The following PRR14L variants were observed in gnomAD, a reference collection of about 807,000 sequenced individuals.
The protein encoded by PRR14L is proline rich 14 like, also known as protein PRR14L.
Under a neutral mutation model 155.0 loss-of-function variants are expected in PRR14L, and 80 were observed. The ratio of observed to expected loss-of-function variants is 0.52; its 90% confidence interval spans 0.43 to 0.62. The LOEUF is 0.62. PRR14L is among the 20% of genes least tolerant of loss of function. The probability of loss-of-function intolerance (pLI) is 0.00; values close to 1 mark genes in which losing one functional copy is unlikely to be tolerated. For synonymous variants in PRR14L, 883 were observed against 916.0 expected (o/e 0.96, Z 0.65); for missense variants, 2,469 against 2,548.0 (o/e 0.97, Z 0.67).
rs2074627773 is a variant in PRR14L at position 31,712,308 on chromosome 22, T to C, written c.5531A>G (p.His1844Arg). ...GAAGAGCCTCTGCATGGTAGGCATG[T>C]GGCTGGAGAAGCTCCGTTTTTTTGT... is the stretch of plus-strand genomic sequence containing the variant. Reference protein sequence around the residue: ...IWTKKRSFSSHMPTMQRLFMT... With the variant: ...IWTKKRSFSSRMPTMQRLFMT... The change falls in exon 4 of 9, where the codon CAC becomes CGC. Residue 1844 changes from histidine to arginine, a missense_variant. His to Arg is a conservative substitution (Grantham distance 29). This residue lies in a region of PRR14L where 2,363 missense variants were observed against 2,371.6 expected (regional missense o/e 1.00). Coordinates refer to ENST00000327423, the MANE Select transcript of PRR14L (RefSeq NM_173566.3). 1 of 1,614,082 alleles carries C rather than the reference T, an allele frequency of 6.2e-7. No individual in the cohort carries two copies. The highest frequency in any genetic ancestry group is 8.5e-7 in the Non-Finnish European group (1 of 1,180,026).
rs1413267196 is a variant in PRR14L, at chr22:31,738,848, C to G, written c.13G>C (p.Gly5Arg). 3 of 1,539,546 alleles carry G rather than the reference C, an allele frequency of 1.9e-6. No individual in the cohort carries two copies. The highest frequency in any genetic ancestry group is 2.6e-6 in the Non-Finnish European group (3 of 1,145,210). The change falls in exon 2 of 9, where the codon GGA becomes CGA. Residue 5 changes from glycine (G) to arginine (R), a missense_variant. Around this residue, in one of 2 missense-constraint regions of PRR14L, gnomAD observed 2,363 missense variants for 2,371.6 expected, o/e 1.00. Coordinates refer to ENST00000327423, the MANE Select transcript of PRR14L (RefSeq NM_173566.3). Reference protein sequence around the residue: MLSSGVETQPVPLDS... With the variant: MLSSRVETQPVPLDS... ...AGTGGAACTGGCTGAGTCTCTACTCCAGATGACAGCATTAGGACAGATGCA... is the reference window on the plus strand; with the variant it reads ...AGTGGAACTGGCTGAGTCTCTACTCGAGATGACAGCATTAGGACAGATGCA...
intron 4 of PRR14L, among the ~76,000 whole-genome samples, chr22:31,707,817 T>C (rs898087978): frequency 6.6e-6 from 1 of 152,210 alleles, no homozygotes; most frequent in African/African-American, 2.4e-5. Context: ...CACTCTAACG[T>C]ATTTTCATGG....
intron 2 of PRR14L, 147 bp from the exon 3 acceptor site, chr22:31,725,757 C>A: frequency 1.7e-6 from 1 of 581,432 alleles, no homozygotes; most frequent in Non-Finnish European, 3.0e-6. Context: ...CAACATCCAC[C>A]TCCAAGGTTC....
chr22:31,716,980 T>C lies in PRR14L; in HGVS notation c.859A>G (p.Ser287Gly). Reference protein sequence around the residue: ...SCPWLSLPGNSAISNVDNGKE... With the variant: ...SCPWLSLPGNGAISNVDNGKE... ...CCATTGTCCACATTAGAAATGGCAC[T>C]GTTTCCTGGTAATGACAACCAAGGA... Residue 287 changes from serine (S) to glycine (G), a missense_variant, in exon 4 of 9, where the codon AGT becomes GGT. Coordinates refer to ENST00000327423, the MANE Select transcript of PRR14L (RefSeq NM_173566.3). 6.4e-7 allele frequency: 1 copy of C among 1,551,854 alleles called. No homozygotes were observed. Among genetic ancestry groups the C allele is most frequent in the South Asian group, 1.2e-5 (1 of 84,066 alleles).
At chr22:31,725,500 T>G (rs2074711459) in intron 3 of PRR14L, 38 bp downstream of exon 3, 2 of 1,339,838 alleles carry the variant, frequency 1.5e-6, no homozygotes, top group Non-Finnish European at 2.1e-6. Flanking sequence ...GTATTTGCAG[T>G]AAGTGGATAA....
At chr22:31,724,162 A>G (rs1222495309) in intron 3 of PRR14L, among the ~76,000 whole-genome samples, 1 of 152,198 alleles carries the variant, frequency 6.6e-6, no homozygotes, top group African/African-American at 2.4e-5. Flanking sequence ...GGGACCACCT[A>G]GTTGCAGGAA....
chr22:31,704,686 C>G lies in PRR14L; in HGVS notation c.5797G>C (p.Ala1933Pro). Residue 1933 changes from alanine (A) to proline (P), a missense_variant, in exon 5 of 9, where the codon GCT becomes CCT. Around this residue, in one of 2 missense-constraint regions of PRR14L, gnomAD observed 2,363 missense variants for 2,371.6 expected, o/e 1.00. Coordinates refer to ENST00000327423, the MANE Select transcript of PRR14L (RefSeq NM_173566.3). ...TGACTGCCGCTGGTGTTATATGTAG[C>G]TTCCATGCCTGGAAGAGGCACATAT... ...LPYVPLPGME[A>P]TYNTSGSQTR... 6.2e-7 allele frequency: 1 copy of G among 1,613,984 alleles called. No individual in the cohort carries two copies. Among genetic ancestry groups the G allele is most frequent in the Non-Finnish European group, 8.5e-7 (1 of 1,179,944 alleles).
chr22:31,695,037 C>T (rs1339559800), intron 7 of PRR14L, among the ~76,000 whole-genome samples: 41 of 152,090 alleles, frequency 2.7e-4, no homozygotes, highest in African/African-American at 2.4e-5. Context: ...GAACCCAGAT[C>T]GCGGCACTGC....
chr22:31,703,869 C>G (rs1212034931), intron 5 of PRR14L, 148 bp from the exon 6 acceptor site: 6 of 508,150 alleles, frequency 1.2e-5, no homozygotes, highest in Non-Finnish European at 2.0e-5. Flanking sequence ...ACGATCTCGG[C>G]TCAATGCAGC....
At chr22:31,704,619 ACACGCG>A in intron 5 of PRR14L, 30 bp downstream of exon 5, 1 of 1,566,022 alleles carries the variant, frequency 6.4e-7, no homozygotes, top group Non-Finnish European at 8.8e-7. Context: ...ACACACACGC[ACACGCG>A]CACACACACG....
chr22:31,694,259 C>T (rs893695988), intron 7 of PRR14L, among the ~76,000 whole-genome samples: 23 of 151,566 alleles, frequency 1.5e-4, no homozygotes, highest in African/African-American at 5.3e-4. Context: ...CCGGGAAAGG[C>T]GTGAGCCACT....
At chr22:31,741,252 CA>C (rs139593821) in intron 1 of PRR14L, among the ~76,000 whole-genome samples, 415 of 25,688 alleles carry the variant, frequency 0.016, no homozygotes, top group African/African-American at 0.049. Flanking sequence ...GGCTCTGTCT[CA>C]AAAAAAAAAA....
chr22:31,734,059 G>A (rs2074765738), intron 2 of PRR14L, among the ~76,000 whole-genome samples: 1 of 151,986 alleles, frequency 6.6e-6, no homozygotes, highest in East Asian at 1.9e-4. Context: ...TACAACCTCT[G>A]CCTCCCAGTT....
intron 3 of PRR14L, among the ~76,000 whole-genome samples, chr22:31,720,171 T>C (rs2147867329): frequency 6.6e-6 from 1 of 152,344 alleles, no homozygotes; most frequent in African/African-American, 2.4e-5. Context: ...GCCTGCTATA[T>C]AAAAGGTGCC....
chr22:31,704,814 G>T, intron 4 of PRR14L, 88 bp from the exon 5 acceptor site: 1 of 934,912 alleles, frequency 1.1e-6, no homozygotes, highest in Non-Finnish European at 1.7e-6. Flanking sequence ...ATTAGCACAT[G>T]ATAGCCCCAA....
rs766201217 is a variant in PRR14L at position 31,685,734 on chromosome 22, C to T, written c.6249G>A (p.Lys2083=). ...CCTGAAATTCTAGAACTCGCTTCCT[C>T]TTCTGTTGGCTGATTGAGATTAGTG... The part of the protein sequence containing the change: ...NGTLISISQQ[K]RKRVLEFQDF... Residue 2083 remains lysine (K), a synonymous_variant, in exon 9 of 9, where the codon AAG becomes AAA. Transcript: ENST00000327423. The T allele has an allele frequency of 5.8e-6, 9 of 1,551,570 alleles. No homozygotes were observed. Among genetic ancestry groups the T allele is most frequent in the Non-Finnish European group, 8.7e-7 (1 of 1,146,984 alleles).
chr22:31,749,787 C>A (rs1447651396), intron 1 of PRR14L, among the ~76,000 whole-genome samples: 3 of 152,232 alleles, frequency 2.0e-5, no homozygotes, highest in Non-Finnish European at 4.4e-5. Context: ...TCGGAGAAGC[C>A]GCTTTTCTCT....
intron 1 of PRR14L, among the ~76,000 whole-genome samples, chr22:31,745,266 A>G (rs1024678505): frequency 1.3e-5 from 2 of 152,232 alleles, no homozygotes; most frequent in East Asian, 3.9e-4. Context: ...AGTCCCAGCT[A>G]CTCGGGAGGC....
chr22:31,711,710 G>C (rs556999743), intron 4 of PRR14L, among the ~76,000 whole-genome samples: 1 of 150,590 alleles, frequency 6.6e-6, no homozygotes, highest in East Asian at 1.9e-4. Context: ...CTTGAACCCG[G>C]GAGGCGGAGG....
Sources: allele counts gnomAD v4.1 joint callset (sites outside exome capture counted in the v4.1 genomes callset), GRCh38; gene constraint gnomAD v4.1.1; regional missense constraint gnomAD v4.1.1; transcripts MANE v1.5; gene names NCBI Gene and HGNC (gene_info 2026-07-23, HGNC 2026-07-21).